Variants in POU6F2 observed in about 807,000 individuals in gnomAD.
POU6F2 encodes POU domain, class 6, transcription factor 2.
Under a neutral mutation model 71.3 loss-of-function variants are expected in POU6F2, and 31 were observed. The ratio of observed to expected loss-of-function variants is 0.43; its 90% CI spans 0.33 to 0.59. The LOEUF (loss-of-function observed/expected upper bound fraction) is 0.59, where lower values mean the gene tolerates loss of function less well. POU6F2 is among the 20% of genes least tolerant of loss of function. The probability of loss-of-function intolerance (pLI) is 0.04; values close to 1 mark genes in which losing one functional copy is unlikely to be tolerated. For missense variants in POU6F2, 783 were observed against 856.8 expected (o/e 0.91, Z 1.07); for synonymous variants, 347 against 355.7 (o/e 0.98, Z 0.27).
At chr7:39,041,494 C>T (rs1385935709) in intron 1 of POU6F2, among the ~76,000 whole-genome samples, 1 of 151,876 alleles carries the variant, frequency 6.6e-6, no homozygotes, top group East Asian at 1.9e-4. Flanking sequence ...TGATTGAAAT[C>T]AATCTTCTAA....
At chr7:39,129,880 G>A (rs1026520324) in intron 2 of POU6F2, among the ~76,000 whole-genome samples, 2 of 151,908 alleles carry the variant, frequency 1.3e-5, no homozygotes, top group Non-Finnish European at 2.9e-5. Context: ...TGGCTAACAC[G>A]GTGTGAAATC....
At chr7:39,014,201 A>G (rs1415515712) in intron 1 of POU6F2, among the ~76,000 whole-genome samples, 2 of 152,188 alleles carry the variant, frequency 1.3e-5, no homozygotes, top group African/African-American at 2.4e-5. Context: ...TTAAAAGCCA[A>G]TGTTTAGCAG....
At chr7:39,107,677 C>A (rs1275266397) in intron 2 of POU6F2, among the ~76,000 whole-genome samples, 1 of 151,966 alleles carries the variant, frequency 6.6e-6, no homozygotes, top group East Asian at 1.9e-4. Context: ...AGTGGAACCA[C>A]CCCCCGCCCC....
chr7:39,234,712 A>G (rs1299781371), intron 4 of POU6F2, among the ~76,000 whole-genome samples: 3 of 152,184 alleles, frequency 2.0e-5, no homozygotes, highest in African/African-American at 7.2e-5. Flanking sequence ...ATAGGAGCGA[A>G]CTACTATTTT....
At chr7:39,036,472 C>T (rs1281132302) in intron 1 of POU6F2, among the ~76,000 whole-genome samples, 1 of 152,008 alleles carries the variant, frequency 6.6e-6, no homozygotes, top group Non-Finnish European at 1.5e-5. Context: ...ATTTATTCTA[C>T]ATAATACTAA....
At chr7:39,073,643 C>G (rs1022727360) in intron 1 of POU6F2, among the ~76,000 whole-genome samples, 1 of 152,206 alleles carries the variant, frequency 6.6e-6, no homozygotes, top group South Asian at 2.1e-4. Flanking sequence ...TGGCGCTGGG[C>G]GCAGCCGTGT....
intron 5 of POU6F2, chr7:39,373,398 A>C: frequency 2.2e-6 from 1 of 456,120 alleles, no homozygotes; most frequent in Non-Finnish European, 4.4e-6. Flanking sequence ...TATGATAATT[A>C]GTATGCCAAG....
chr7:39,134,972 T>C (rs1792359957), intron 2 of POU6F2, among the ~76,000 whole-genome samples: 1 of 152,044 alleles, frequency 6.6e-6, no homozygotes, highest in African/African-American at 2.4e-5. Flanking sequence ...GGCAATAACC[T>C]TAAAAAGTTA....
At chr7:39,397,280 G>A (rs1444483056) in intron 5 of POU6F2, among the ~76,000 whole-genome samples, 1 of 151,182 alleles carries the variant, frequency 6.6e-6, no homozygotes, top group African/African-American at 2.4e-5. Context: ...TGAGGCTCTG[G>A]CCAGTTGGTC....
At chr7:39,207,245 C>G in intron 3 of POU6F2, 147 bp from the exon 4 acceptor site, 1 of 667,282 alleles carries the variant, frequency 1.5e-6, no homozygotes, top group Non-Finnish European at 2.3e-6. Flanking sequence ...TTTTTTCTAC[C>G]AATCATTTTT....
At chr7:39,056,255 T>C (rs1053556563) in intron 1 of POU6F2, among the ~76,000 whole-genome samples, 1 of 152,088 alleles carries the variant, frequency 6.6e-6, no homozygotes, top group African/African-American at 2.4e-5. Flanking sequence ...TTGTTTCAAT[T>C]TTGTTTTTAT....
chr7:39,218,555 G>C (rs1794287392), intron 4 of POU6F2, among the ~76,000 whole-genome samples: 1 of 152,080 alleles, frequency 6.6e-6, no homozygotes, highest in South Asian at 2.1e-4. Context: ...TTCCTCCTAT[G>C]AATTGTGCCC....
At chr7:39,017,810 A>ATGTGTG (rs1323369998) in intron 1 of POU6F2, among the ~76,000 whole-genome samples, 1 of 49,984 alleles carries the variant, frequency 2.0e-5, no homozygotes, top group Non-Finnish European at 4.1e-5. Context: ...CAGATTGTGC[A>ATGTGTG]TGCGTGTGTG....
At chr7:39,121,359 C>T (rs114816260) in intron 2 of POU6F2, among the ~76,000 whole-genome samples, 1,831 of 152,244 alleles carry the variant, frequency 0.012, 41 homozygotes, top group African/African-American at 0.041. Context: ...GTAGAGAAGG[C>T]CCTTAGTAGA....
Position 39,460,833 on chromosome 7 carries a change from G to C in POU6F2, c.1658+118G>C. On this transcript the variant is annotated intron_variant, in intron 9 of 9. Coordinates refer to ENST00000518318, the MANE Select transcript of POU6F2 (RefSeq NM_001370959.1). The surrounding 1 kb of genome is among the most constrained non-coding windows in gnomAD (Gnocchi z 4.4). ...TGGAGGGGCAGAGAGTGGGAACAAA[G>C]TTTGGGGGCAGCTATATGTTGGGAT... The C allele has an allele frequency of 2.5e-6, 3 of 1,214,958 alleles. No homozygotes were observed. Among genetic ancestry groups the C allele is most frequent in the Non-Finnish European group, 2.2e-6 (2 of 903,854 alleles). 75.3% of individuals were successfully genotyped at this position (1,214,958 alleles called of 1,614,324 possible). A position where few individuals can be genotyped will look rare whatever the true frequency, so the allele number is the denominator to read the frequency against.
chr7:39,152,750 G>A (rs976042820), intron 2 of POU6F2, among the ~76,000 whole-genome samples: 2 of 152,076 alleles, frequency 1.3e-5, no homozygotes, highest in Non-Finnish European at 2.9e-5. Context: ...CTATTTTTCA[G>A]CTATTTGCTG....
At chr7:39,309,559 T>TA (rs545646549) in intron 4 of POU6F2, among the ~76,000 whole-genome samples, 6 of 152,272 alleles carry the variant, frequency 3.9e-5, no homozygotes, top group Admixed American at 6.5e-5. Context: ...TCCACACCTT[T>TA]AAAAAAAATT....
intron 4 of POU6F2, among the ~76,000 whole-genome samples, chr7:39,333,109 C>T (rs951785503): frequency 1.3e-5 from 2 of 152,120 alleles, no homozygotes; most frequent in Non-Finnish European, 2.9e-5. Context: ...GTGCTTAGCC[C>T]CCGCCCCCAA....
At position 39,246,905 on chromosome 7, in the gene POU6F2, C is replaced by CTTTTTTTTTTTTTTTTTTTTTTTTTTTT. The variant is rs398004470; in HGVS notation, c.598+39308_598+39309insTTTTTTTTTTTTTTTTTTTTTTTTTTTT. 9.0e-5 allele frequency among the ~76,000 whole-genome samples: 7 copies of CTTTTTTTTTTTTTTTTTTTTTTTTTTTT among 78,150 alleles called. 2 individuals carry two copies. Among genetic ancestry groups the CTTTTTTTTTTTTTTTTTTTTTTTTTTTT allele is most frequent in the African/African-American group, 4.1e-4 (7 of 17,070 alleles). 51.3% of individuals were successfully genotyped at this position (78,150 alleles called of 152,430 possible). ...CCAGCTCACCCCAAATCCAGGGTGG[C>CTTTTTTTTTTTTTTTTTTTTTTTTTTTT]TTTTTTTTTTTTTTTTTTTTTTTGC... is the stretch of plus-strand genomic sequence containing the variant. On this transcript the variant is annotated intron_variant, in intron 4 of 9. Transcript: ENST00000518318.
Sources: allele counts gnomAD v4.1 joint callset (sites outside exome capture counted in the v4.1 genomes callset), GRCh38; gene constraint gnomAD v4.1.1; non-coding constraint Gnocchi (gnomAD v3.1); transcripts MANE v1.5; gene names NCBI Gene and HGNC (gene_info 2026-07-23, HGNC 2026-07-21).